ACYP2: variants seen among roughly 807,000 people sequenced by gnomAD.
ACYP2 encodes the protein acylphosphatase 2.
In ACYP2, 12 loss-of-function variants were observed where a neutral mutation model predicts 11.2. That is an observed-to-expected ratio of 1.08 (90% CI 0.69 to 1.74). The LOEUF (loss-of-function observed/expected upper bound fraction) is 1.74. Ranked by LOEUF, ACYP2 falls within the 40% of genes most tolerant of loss-of-function variation. The pLI, the probability that ACYP2 is intolerant of heterozygous loss-of-function variation, is 0.00. For missense variants in ACYP2, 134 were observed against 101.9 expected (o/e 1.31, Z -1.35); for synonymous variants, 43 against 32.2 (o/e 1.33, Z -1.13).
chr2:54,135,511 A>G (rs753236603), intron 5 of ACYP2, 42 bp downstream of exon 2: 1 of 1,575,444 alleles, frequency 6.3e-7, no homozygotes, highest in Middle Eastern at 1.7e-4. Flanking sequence ...TTTTTTTTCC[A>G]CTGTTATTCC....
chr2:54,261,334 T>TA (rs1687767339), intron 6 of ACYP2, among the ~76,000 whole-genome samples: 2 of 152,186 alleles, frequency 1.3e-5, no homozygotes, highest in Non-Finnish European at 2.9e-5. Context: ...GAGAGCTATA[T>TA]AAAATCTCTG....
At chr2:54,229,122 T>G (rs1304871185) in intron 6 of ACYP2, among the ~76,000 whole-genome samples, 1 of 152,080 alleles carries the variant, frequency 6.6e-6, no homozygotes, top group African/African-American at 2.4e-5. Context: ...ATGGCCCAAC[T>G]GGGTTAGAGT....
intron 6 of ACYP2, among the ~76,000 whole-genome samples, chr2:54,144,761 T>A (rs372073930): frequency 2.6e-5 from 4 of 152,124 alleles, no homozygotes; most frequent in African/African-American, 9.7e-5. Context: ...TTTCTCCTCC[T>A]TTTTCCTTAA....
chr2:54,152,887 A>C (rs1558572768), intron 6 of ACYP2, among the ~76,000 whole-genome samples: 1 of 151,948 alleles, frequency 6.6e-6, no homozygotes, highest in Non-Finnish European at 1.5e-5. Context: ...TGGTCTCAAA[A>C]CCTGGCCTTA....
At chr2:54,003,147 C>A (rs1026540980) in intron 2 of ACYP2, among the ~76,000 whole-genome samples, 1 of 152,040 alleles carries the variant, frequency 6.6e-6, no homozygotes, top group Non-Finnish European at 1.5e-5. Context: ...CAGGCTCTCA[C>A]CATGTTGGCA....
In ACYP2 at chr2:54,176,611, C is replaced by A. The variant is rs569492551; in HGVS notation, c.404+37863C>A. On this transcript the variant is annotated intron_variant, in intron 6 of 6. Transcript: ENST00000607452. ...AAAAATCTTATGTGTAATTCTATCA[C>A]CCAGAGTCAGTCATGTGTTAACTGA... 5.9e-5 allele frequency among the ~76,000 whole-genome samples: 9 copies of A among 152,322 alleles called. No homozygotes were observed. The East Asian group carries it at 1.3e-3, about 23-fold the overall frequency.
At chr2:54,159,372 CTTTT>C (rs768866580) in intron 6 of ACYP2, among the ~76,000 whole-genome samples, 3 of 113,532 alleles carry the variant, frequency 2.6e-5, no homozygotes, top group African/African-American at 9.7e-5. Context: ...TTTTAGGATG[CTTTT>C]TTTTTTTTTT....
At chr2:54,243,324 T>C (rs1012017196) in intron 6 of ACYP2, among the ~76,000 whole-genome samples, 1 of 152,118 alleles carries the variant, frequency 6.6e-6, no homozygotes, top group Non-Finnish European at 1.5e-5. Flanking sequence ...ATTGCTCCTA[T>C]TTTACAGACC....
At chr2:54,171,497 C>T (rs896694814) in intron 6 of ACYP2, among the ~76,000 whole-genome samples, 2 of 152,154 alleles carry the variant, frequency 1.3e-5, no homozygotes, top group African/African-American at 4.8e-5. Flanking sequence ...TATCTTGTGT[C>T]GTTTGTGGTT....
chr2:54,141,942 A>T (rs1263697856), intron 6 of ACYP2: 34 of 592,140 alleles, frequency 5.7e-5, no homozygotes, highest in Non-Finnish European at 1.0e-4. Flanking sequence ...GGCTCAAGTG[A>T]TCTTCCCACG....
intron 6 of ACYP2, among the ~76,000 whole-genome samples, chr2:54,268,982 A>G (rs1254151280): frequency 2.0e-5 from 3 of 152,208 alleles, no homozygotes; most frequent in Admixed American, 1.3e-4. Context: ...TAATTACCCA[A>G]TGAAGTTTGT....
At position 54,115,757 on chromosome 2, in the gene ACYP2, G is replaced by A; in HGVS notation, c.278-19696G>A. The A allele has an allele frequency of 1.2e-6, 2 of 1,605,252 alleles. No individual in the cohort carries two copies. The highest frequency in any genetic ancestry group is 1.4e-5 in the African/African-American group (1 of 74,026). On this transcript the variant is annotated intron_variant, in intron 4 of 6. Transcript: ENST00000607452. Reference sequence around the variant, plus strand: ...TACGAGGTGTTCGGAAGAGTGCAGGGTAGGAGGCCCCTCTACGGTGGGAGA... The same window carrying A: ...TACGAGGTGTTCGGAAGAGTGCAGGATAGGAGGCCCCTCTACGGTGGGAGA...
intron 6 of ACYP2, among the ~76,000 whole-genome samples, chr2:54,201,626 T>TTC (rs1210281198): frequency 0.023 from 2,377 of 101,992 alleles, 84 homozygotes; most frequent in East Asian, 0.16. Context: ...CTTTCTTTGT[T>TTC]TCTTTCTTTC....
intron 6 of ACYP2, among the ~76,000 whole-genome samples, chr2:54,242,146 G>A (rs843653): frequency 0.47 from 71,950 of 152,152 alleles, 17,995 homozygotes; most frequent in African/African-American, 0.65. Flanking sequence ...GGTTTGCTAT[G>A]TTCAAAACAT....
At chr2:54,029,621 C>T in intron 2 of ACYP2, 2 of 365,540 alleles carry the variant, frequency 5.5e-6, no homozygotes, top group East Asian at 7.6e-5. Context: ...CCTTCTTTTT[C>T]TGATCATTTT....
chr2:53,991,850 G>A (rs1446906974), intron 2 of ACYP2, among the ~76,000 whole-genome samples: 4 of 151,932 alleles, frequency 2.6e-5, no homozygotes, highest in African/African-American at 9.7e-5. Flanking sequence ...GAGTGTAGTG[G>A]CTATTCACAA....
At chr2:53,983,601 C>T (rs763563376) in intron 2 of ACYP2, among the ~76,000 whole-genome samples, 3 of 152,040 alleles carry the variant, frequency 2.0e-5, no homozygotes, top group East Asian at 1.9e-4. Context: ...GCTTAGGGAG[C>T]GAGATTAAGA....
At chr2:54,156,962 C>T (rs543207747) in intron 6 of ACYP2, among the ~76,000 whole-genome samples, 1 of 152,190 alleles carries the variant, frequency 6.6e-6, no homozygotes, top group Admixed American at 6.5e-5. Flanking sequence ...ACCCACTGTG[C>T]CTGGTCTGAG....
At chr2:54,191,191 C>A (rs1371913580) in intron 6 of ACYP2, among the ~76,000 whole-genome samples, 1 of 152,142 alleles carries the variant, frequency 6.6e-6, no homozygotes, top group Non-Finnish European at 1.5e-5. Context: ...ACCCTAACCC[C>A]CTTTCACTCA....
Sources: allele counts gnomAD v4.1 joint callset (sites outside exome capture counted in the v4.1 genomes callset), GRCh38; gene constraint gnomAD v4.1.1; transcripts MANE v1.5; gene names NCBI Gene and HGNC (gene_info 2026-07-23, HGNC 2026-07-21).